MREG: variants seen among roughly 807,000 people sequenced by gnomAD.
The protein encoded by MREG is melanoregulin.
A neutral mutation model predicts 28.5 loss-of-function variants in MREG; 31 were observed. That is an observed-to-expected ratio of 1.09 (90% confidence interval 0.82 to 1.47). MREG has a LOEUF of 1.47. MREG is among the 40% of genes most tolerant of loss of function. The pLI, the probability that MREG is intolerant of heterozygous loss-of-function variation, is 0.00. For synonymous variants in MREG, 106 were observed against 95.2 expected (o/e 1.11, Z -0.66); for missense variants, 256 against 257.4 (o/e 0.99, Z 0.04).
intron 2 of MREG, among the ~76,000 whole-genome samples, chr2:215,982,212 T>C (rs964177491): frequency 2.6e-5 from 4 of 151,710 alleles, no homozygotes; most frequent in African/African-American, 7.3e-5. Flanking sequence ...TTCCAGCTAG[T>C]TGGGAGGCTG....
At chr2:216,033,912 G>T (rs988832898), upstream of MREG, 5 of 152,124 alleles carry the variant, frequency 3.3e-5, no homozygotes, top group South Asian at 4.1e-4. Context: ...CTAGAGATTT[G>T]GCTGTCTTAA....
intron 1 of MREG, among the ~76,000 whole-genome samples, chr2:215,997,397 G>A (rs557785739): frequency 6.6e-6 from 1 of 152,168 alleles, no homozygotes; most frequent in Non-Finnish European, 1.5e-5. Context: ...TCTGGGGCAT[G>A]CCTGCACACA....
chr2:216,030,208 C>A (rs1694659036), intron 1 of MREG, among the ~76,000 whole-genome samples: 1 of 152,158 alleles, frequency 6.6e-6, no homozygotes, highest in Non-Finnish European at 1.5e-5. Context: ...TTACACTATT[C>A]TCTTTAGCCT....
At chr2:215,940,255 G>A (rs1423281298), downstream of MREG, among the ~76,000 whole-genome samples, 1 of 152,190 alleles carries the variant, frequency 6.6e-6, no homozygotes, top group Non-Finnish European at 1.5e-5. Flanking sequence ...CTGAAACATT[G>A]TAAATAGCAA....
chr2:215,950,611 C>T (rs1692456667), intron 2 of MREG, among the ~76,000 whole-genome samples: 1 of 152,120 alleles, frequency 6.6e-6, no homozygotes, highest in South Asian at 2.1e-4. Flanking sequence ...TTACTGTCTT[C>T]TTTTGACAGA....
Position 215,943,287 on chromosome 2 carries a change from G to A in MREG, c.*1576C>T. ...GACAAGTTCCTTGCTTAAGTGGCAAGTAACTTTTGAAGCTGGACTTCTCAA... is the reference window on the plus strand; with the variant it reads ...GACAAGTTCCTTGCTTAAGTGGCAAATAACTTTTGAAGCTGGACTTCTCAA... On this transcript the variant is annotated 3_prime_UTR_variant, in exon 5 of 5. Coordinates refer to ENST00000263268, the MANE Select transcript of MREG (RefSeq NM_018000.3). The A allele has an allele frequency of 5.2e-6, 2 of 387,014 alleles. No homozygotes were observed. The highest frequency in any genetic ancestry group is 3.9e-5 in the South Asian group (2 of 50,748). The allele number at this position is 387,014 out of a possible 1,614,324, so 24.0% of individuals were successfully genotyped here.
At chr2:216,004,353 A>G (rs1476829224) in intron 1 of MREG, among the ~76,000 whole-genome samples, 1 of 152,166 alleles carries the variant, frequency 6.6e-6, no homozygotes, top group Non-Finnish European at 1.5e-5. Flanking sequence ...GCTCCCCAAC[A>G]CTACCGCCAC....
intron 2 of MREG, among the ~76,000 whole-genome samples, chr2:215,967,996 C>A (rs1316153636): frequency 6.6e-6 from 1 of 152,168 alleles, no homozygotes; most frequent in African/African-American, 2.4e-5. Flanking sequence ...GCTTAAGATG[C>A]AAACACATAA....
chr2:216,013,252 C>G lies in MREG; in HGVS notation c.76G>C (p.Glu26Gln). The G allele has an allele frequency of 4.5e-6, 7 of 1,549,754 alleles. No individual in the cohort carries two copies. Among genetic ancestry groups the G allele is most frequent in the Non-Finnish European group, 5.2e-6 (6 of 1,146,716 alleles). The change falls in exon 1 of 5, where the codon GAG (glutamate) becomes CAG (glutamine). Residue 26 changes from glutamate (E) to glutamine (Q), a missense_variant. By Grantham distance (29) the Glu-to-Gln change is conservative (BLOSUM62 2). Transcript: ENST00000263268. ...ACCCACCTGACGAGGGGCTCCTTCT[C>G]AGGCAGGGCGCGCTCCTCCAAGCAC... ...CECLEERALPEKEPLVSDNNP... is the reference protein window; with the variant it reads ...CECLEERALPQKEPLVSDNNP...
chr2:216,005,698 C>G (rs1694135139), intron 1 of MREG, among the ~76,000 whole-genome samples: 1 of 151,940 alleles, frequency 6.6e-6, no homozygotes, highest in African/African-American at 2.4e-5. Context: ...AGTGATGCAC[C>G]TGCCTCGGCC....
downstream of MREG, among the ~76,000 whole-genome samples, chr2:215,940,252 A>G (rs926515008): frequency 1.3e-5 from 2 of 152,234 alleles, no homozygotes; most frequent in Non-Finnish European, 2.9e-5. Context: ...TTGCTGAAAC[A>G]TTGTAAATAG....
At position 216,005,444 on chromosome 2, in the gene MREG, CTTTTT is replaced by C. The variant is rs58288878; in HGVS notation, c.95+7784_95+7788del. Among the ~76,000 whole-genome samples, 125 of 86,326 alleles carry C rather than the reference CTTTTT, an allele frequency of 1.4e-3. 1 individual carries two copies. The highest frequency in any genetic ancestry group is 2.1e-3 in the Non-Finnish European group (85 of 41,426). The allele number at this position is 86,326 out of a possible 152,430, so 56.6% of individuals were successfully genotyped here. On this transcript the variant is annotated intron_variant, in intron 1 of 4. Coordinates refer to ENST00000263268, the MANE Select transcript of MREG (RefSeq NM_018000.3). ...CACGAGTATTCACTTTCTAGTTATT[CTTTTT>C]TTTTTTTTTTTTTTTTTTTTGAGAC...
intron 2 of MREG, among the ~76,000 whole-genome samples, chr2:215,979,417 C>A (rs1019039150): frequency 6.7e-6 from 1 of 150,024 alleles, no homozygotes; most frequent in Non-Finnish European, 1.5e-5. Flanking sequence ...GAGCCGAGAT[C>A]GCGCCACTGC....
intron 2 of MREG, among the ~76,000 whole-genome samples, chr2:215,975,005 G>GA (rs1693211633): frequency 1.6e-3 from 26 of 16,022 alleles, no homozygotes; most frequent in African/African-American, 5.2e-3. Context: ...TATTTTATAT[G>GA]AATTATATAT....
At chr2:215,948,255 A>C (rs778666296) in intron 2 of MREG, among the ~76,000 whole-genome samples, 4 of 152,228 alleles carry the variant, frequency 2.6e-5, no homozygotes, top group Non-Finnish European at 4.4e-5. Context: ...GGAAAAAGAA[A>C]AGCTAGCAAA....
chr2:215,996,434 T>C lies in MREG; in HGVS notation c.127A>G (p.Thr43Ala), dbSNP rs1693876840. 2 of 1,613,250 alleles carry C rather than the reference T, an allele frequency of 1.2e-6. No individual in the cohort carries two copies. The highest frequency in any genetic ancestry group is 2.2e-5 in the East Asian group (1 of 44,874). ...DNNPYSSFGA[T>A]LVRDDEKNLW... ...TTCTTCTCATCATCCCTCACCAGAG[T>C]TGCTCCAAATGAGGAATATGGATTG... The change falls in exon 2 of 5, where the codon ACT (threonine) becomes GCT (alanine). Residue 43 changes from threonine (T) to alanine (A), a missense_variant. Thr to Ala is a moderately conservative substitution (Grantham distance 58). Transcript: ENST00000263268.
At chr2:215,952,006 A>G (rs531536142) in intron 2 of MREG, among the ~76,000 whole-genome samples, 1 of 152,328 alleles carries the variant, frequency 6.6e-6, no homozygotes, top group South Asian at 2.1e-4. Context: ...CATATAAGTG[A>G]GATCATGCAG....
chr2:215,993,018 C>G (rs1014215696), intron 2 of MREG, among the ~76,000 whole-genome samples: 6 of 152,082 alleles, frequency 3.9e-5, no homozygotes, highest in African/African-American at 1.4e-4. Flanking sequence ...CAATGCTATC[C>G]CCATCAAGCT....
intron 2 of MREG, among the ~76,000 whole-genome samples, chr2:215,959,687 G>A (rs1407529343): frequency 6.6e-6 from 1 of 152,154 alleles, no homozygotes; most frequent in African/African-American, 2.4e-5. Context: ...TGTTCCCAAT[G>A]ACAGCCCTCC....
Sources: allele counts gnomAD v4.1 joint callset (sites outside exome capture counted in the v4.1 genomes callset), GRCh38; gene constraint gnomAD v4.1.1; transcripts MANE v1.5; gene names NCBI Gene and HGNC (gene_info 2026-07-23, HGNC 2026-07-21).